Variants in GALNTL6 observed in about 807,000 individuals in gnomAD.
The protein encoded by GALNTL6 is polypeptide N-acetylgalactosaminyltransferase-like 6.
A neutral mutation model predicts 73.7 loss-of-function variants in GALNTL6; 46 were observed. The ratio of observed to expected loss-of-function variants is 0.62; its 90% confidence interval spans 0.49 to 0.80. GALNTL6 has a LOEUF of 0.80. Ranked by LOEUF, GALNTL6 falls within the 30% of genes least tolerant of loss-of-function variation. GALNTL6 has a pLI of 0.00. For missense variants in GALNTL6, 604 were observed against 755.0 expected, an observed-to-expected ratio of 0.80 and a Z score of 2.34; for synonymous variants, 259 against 263.7, an observed-to-expected ratio of 0.98 and a Z score of 0.17.
At chr4:172,857,319 G>T (rs1181758767) in intron 7 of GALNTL6, among the ~76,000 whole-genome samples, 3 of 152,214 alleles carry the variant, frequency 2.0e-5, no homozygotes, top group Middle Eastern at 3.4e-3. Context: ...GCTGAGGATG[G>T]TCTCATCTTC....
At chr4:172,132,033 G>GA (rs1289194184) in intron 2 of GALNTL6, among the ~76,000 whole-genome samples, 4 of 151,580 alleles carry the variant, frequency 2.6e-5, no homozygotes, top group Non-Finnish European at 2.9e-5. Flanking sequence ...GAAATGGATA[G>GA]AAAAAAGAAA....
intron 9 of GALNTL6, among the ~76,000 whole-genome samples, chr4:172,951,002 T>C (rs1411216473): frequency 6.6e-6 from 1 of 152,194 alleles, no homozygotes. Flanking sequence ...TTTAGCACCA[T>C]AGAGCCTGAA....
chr4:172,499,863 A>T (rs572448973), intron 5 of GALNTL6, among the ~76,000 whole-genome samples: 1 of 152,332 alleles, frequency 6.6e-6, no homozygotes, highest in East Asian at 1.9e-4. Context: ...TGAAAAACAG[A>T]GAAAATACAC....
At chr4:172,051,715 G>A (rs766438703) in intron 2 of GALNTL6, among the ~76,000 whole-genome samples, 5 of 152,134 alleles carry the variant, frequency 3.3e-5, no homozygotes, top group Non-Finnish European at 4.4e-5. Context: ...GAGCATGGCG[G>A]GCCAAAAGGC....
intron 5 of GALNTL6, among the ~76,000 whole-genome samples, chr4:172,612,095 T>A (rs1167433552): frequency 6.6e-6 from 1 of 152,036 alleles, no homozygotes; most frequent in Non-Finnish European, 1.5e-5. Context: ...AGGATAAGGA[T>A]CCAGAATGTA....
chr4:172,295,184 G>A (rs1401431991), intron 3 of GALNTL6, among the ~76,000 whole-genome samples: 1 of 152,134 alleles, frequency 6.6e-6, no homozygotes, highest in Non-Finnish European at 1.5e-5. Flanking sequence ...CACTTTGGGA[G>A]GCCGAGGTGG....
chr4:172,545,242 A>G (rs1336652415), intron 5 of GALNTL6, among the ~76,000 whole-genome samples: 3 of 152,216 alleles, frequency 2.0e-5, no homozygotes, highest in Admixed American at 2.0e-4. Flanking sequence ...TGATATGGCT[A>G]CAGCAGTTCA....
At chr4:172,721,692 T>G (rs1490205603) in intron 5 of GALNTL6, among the ~76,000 whole-genome samples, 1 of 152,194 alleles carries the variant, frequency 6.6e-6, no homozygotes, top group Non-Finnish European at 1.5e-5. Flanking sequence ...GTATTCTTTG[T>G]CAGCTCAAAT....
intron 5 of GALNTL6, among the ~76,000 whole-genome samples, chr4:172,685,767 GA>G (rs199781217): frequency 4.6e-5 from 7 of 151,102 alleles, no homozygotes; most frequent in African/African-American, 9.7e-5. Flanking sequence ...GGCGACTTTA[GA>G]AAAAAAAATA....
chr4:172,182,015 C>T (rs190453732), intron 2 of GALNTL6, among the ~76,000 whole-genome samples: 105 of 152,036 alleles, frequency 6.9e-4, no homozygotes, highest in African/African-American at 2.3e-3. Flanking sequence ...CCGCGCCCGG[C>T]CTTCAGCCCC....
chr4:172,276,194 T>C (rs1738826589), intron 3 of GALNTL6, among the ~76,000 whole-genome samples: 1 of 152,172 alleles, frequency 6.6e-6, no homozygotes, highest in African/African-American at 2.4e-5. Context: ...ACAGAAAAGA[T>C]TTTTATCTCC....
At chr4:172,191,861 A>G (rs1402948466) in intron 2 of GALNTL6, among the ~76,000 whole-genome samples, 1 of 152,186 alleles carries the variant, frequency 6.6e-6, no homozygotes, top group Non-Finnish European at 1.5e-5. Context: ...CATAAGCCAT[A>G]GACTATTGAG....
chr4:172,128,111 GAAAA>G (rs541625421), intron 2 of GALNTL6, among the ~76,000 whole-genome samples: 1 of 148,926 alleles, frequency 6.7e-6, no homozygotes, highest in South Asian at 2.1e-4. Flanking sequence ...CTCAAAAAAA[GAAAA>G]AAAAAGTGTC....
chr4:172,297,027 G>T (rs913498489), intron 3 of GALNTL6, among the ~76,000 whole-genome samples: 2 of 152,098 alleles, frequency 1.3e-5, no homozygotes, highest in African/African-American at 4.8e-5. Flanking sequence ...AGCACCTGTT[G>T]TTTCCTGACT....
chr4:172,660,334 A>G (rs920934195), intron 5 of GALNTL6, among the ~76,000 whole-genome samples: 1 of 152,216 alleles, frequency 6.6e-6, no homozygotes, highest in South Asian at 2.1e-4. Context: ...CACAGAACTG[A>G]CGCCTAAGAA....
intron 7 of GALNTL6, among the ~76,000 whole-genome samples, chr4:172,856,486 A>T (rs1472074330): frequency 6.6e-6 from 1 of 152,186 alleles, no homozygotes; most frequent in Non-Finnish European, 1.5e-5. Context: ...GGAAGTAAGA[A>T]AAGACATTGC....
In GALNTL6 at chr4:172,442,101, G is replaced by A. The variant is rs192936843; in HGVS notation, c.553+93412G>A. Among the ~76,000 whole-genome samples the A allele has an allele frequency of 8.0e-4, 122 of 152,244 alleles. 2 individuals are homozygous for A. The South Asian group carries it at 0.016, about 20-fold the overall frequency. On this transcript the variant is annotated intron_variant, in intron 5 of 12. Coordinates refer to ENST00000506823, the MANE Select transcript of GALNTL6 (RefSeq NM_001034845.3). ...AAACACATATGAAACAAGGTTATGTGTTCATCAGTTGATGAAGATGTTTTG... is the reference window on the plus strand; with the variant it reads ...AAACACATATGAAACAAGGTTATGTATTCATCAGTTGATGAAGATGTTTTG...
At chr4:172,470,990 A>G (rs1172783541) in intron 5 of GALNTL6, among the ~76,000 whole-genome samples, 3 of 152,162 alleles carry the variant, frequency 2.0e-5, no homozygotes, top group Non-Finnish European at 4.4e-5. Flanking sequence ...GGTCTGCACC[A>G]GTTTGTACGT....
chr4:172,084,207 TAAA>T (rs1731962749), intron 2 of GALNTL6, among the ~76,000 whole-genome samples: 1 of 152,154 alleles, frequency 6.6e-6, no homozygotes, highest in African/African-American at 2.4e-5. Flanking sequence ...TGACTTCTAA[TAAA>T]GAAGATTGGT....
Sources: allele counts gnomAD v4.1 joint callset (sites outside exome capture counted in the v4.1 genomes callset), GRCh38; gene constraint gnomAD v4.1.1; transcripts MANE v1.5; gene names NCBI Gene and HGNC (gene_info 2026-07-23, HGNC 2026-07-21).